Variants in MOB1B observed in about 807,000 individuals in gnomAD.
The protein encoded by MOB1B is MOB1 Mps One Binder homolog B.
Under a neutral mutation model 24.4 loss-of-function variants are expected in MOB1B, and 19 were observed. That is an observed-to-expected ratio of 0.78 (90% CI 0.54 to 1.14). The LOEUF (loss-of-function observed/expected upper bound fraction) is 1.14, where lower values mean the gene tolerates loss of function less well. Ranked by LOEUF, MOB1B falls within the 50% of genes most tolerant of loss-of-function variation. The pLI is 0.00. For synonymous variants in MOB1B, 76 were observed against 82.1 expected (o/e 0.93, Z 0.40); for missense variants, 243 against 259.6 (o/e 0.94, Z 0.44).
At position 70,982,401 on chromosome 4, in the gene MOB1B, C is replaced by A; in HGVS notation, c.*344C>A. On this transcript the variant is annotated 3_prime_UTR_variant, in exon 6 of 6. Transcript: ENST00000309395. ...GTTTCTGTGTGGTATAAATTGTGGC[C>A]CATTTATGAAGTCCCCAAAAGAGTT... 1 of 179,082 alleles carries A rather than the reference C, an allele frequency of 5.6e-6. No homozygotes were observed. The allele number at this position is 179,082 out of a possible 1,614,324, so 11.1% of individuals were successfully genotyped here.
intron 1 of MOB1B, among the ~76,000 whole-genome samples, chr4:70,946,610 G>A (rs530781204): frequency 1.3e-5 from 2 of 152,286 alleles, no homozygotes; most frequent in South Asian, 2.1e-4. Context: ...ATAGTCATTT[G>A]TTATTGAACA....
chr4:70,951,485 G>A (rs1246151567), intron 1 of MOB1B, among the ~76,000 whole-genome samples: 2 of 152,230 alleles, frequency 1.3e-5, no homozygotes, highest in East Asian at 3.8e-4. Flanking sequence ...TCAAATATGA[G>A]TAAGAATGGG....
chr4:70,975,020 T>C (rs1256570560), intron 3 of MOB1B, 133 bp from the exon 4 acceptor site: 2 of 612,790 alleles, frequency 3.3e-6, no homozygotes, highest in Non-Finnish European at 2.4e-6. Context: ...TATTTAAAAA[T>C]GTATCTTTAT....
chr4:70,981,743 C>T (rs901080582), intron 5 of MOB1B, among the ~76,000 whole-genome samples: 2 of 152,050 alleles, frequency 1.3e-5, no homozygotes, highest in African/African-American at 4.8e-5. Context: ...CATTTAGTCC[C>T]CACAATAATT....
At chr4:70,908,083 T>C (rs1426693380) in intron 1 of MOB1B, among the ~76,000 whole-genome samples, 1 of 151,390 alleles carries the variant, frequency 6.6e-6, no homozygotes, top group African/African-American at 2.4e-5. Context: ...TGGAGTCCAG[T>C]GGCGCGATCT....
intron 1 of MOB1B, among the ~76,000 whole-genome samples, chr4:70,917,385 G>A (rs1012285460): frequency 5.9e-5 from 9 of 152,204 alleles, no homozygotes; most frequent in Non-Finnish European, 4.4e-5. Context: ...TTTCATGATA[G>A]TAGAAGTTTT....
intron 1 of MOB1B, among the ~76,000 whole-genome samples, chr4:70,929,908 C>A (rs745337902): frequency 3.2e-4 from 48 of 152,066 alleles, no homozygotes; most frequent in Non-Finnish European, 6.3e-4. Context: ...ACAGCCACTG[C>A]GCCCAGCCTT....
chr4:70,902,420 G>T lies in MOB1B; in HGVS notation c.-117G>T. The T allele has an allele frequency of 8.6e-7, 1 of 1,160,360 alleles. No homozygotes were observed. Among genetic ancestry groups the T allele is most frequent in the South Asian group, 1.3e-5 (1 of 76,472 alleles). 71.9% of individuals were successfully genotyped at this position (1,160,360 alleles called of 1,614,324 possible). A position where few individuals can be genotyped will look rare whatever the true frequency, so the allele number is the denominator to read the frequency against. On this transcript the variant is annotated 5_prime_UTR_variant, in exon 1 of 6. Transcript: ENST00000309395. ...TGCGGCCACCGAGCAGCCGGCTCTC[G>T]GCACCTCCTCCTCCGCCTCCCTGTC... is the stretch of plus-strand genomic sequence containing the variant.
At chr4:70,980,795 C>G (rs1012586277) in intron 5 of MOB1B, among the ~76,000 whole-genome samples, 22 of 152,132 alleles carry the variant, frequency 1.4e-4, no homozygotes, top group African/African-American at 5.1e-4. Flanking sequence ...AGGGCGGGTC[C>G]CGTCTCTGAT....
intron 2 of MOB1B, among the ~76,000 whole-genome samples, chr4:70,961,938 AAGGAGAGACT>A (rs1482422452): frequency 6.6e-6 from 1 of 152,232 alleles, no homozygotes; most frequent in Non-Finnish European, 1.5e-5. Context: ...TGAAGAATAT[AAGGAGAGACT>A]AGGTGCATTG....
chr4:70,914,543 C>T (rs560512946), intron 1 of MOB1B, among the ~76,000 whole-genome samples: 1 of 152,318 alleles, frequency 6.6e-6, no homozygotes, highest in South Asian at 2.1e-4. Context: ...TGTGTTGCTG[C>T]TCCCAGGCAC....
At chr4:70,938,904 G>C (rs1418060526) in intron 1 of MOB1B, among the ~76,000 whole-genome samples, 1 of 151,802 alleles carries the variant, frequency 6.6e-6, no homozygotes, top group Admixed American at 6.6e-5. Flanking sequence ...TAGCCTCCCA[G>C]GTAGCTGGGA....
At chr4:70,931,175 T>C (rs1736877746) in intron 1 of MOB1B, among the ~76,000 whole-genome samples, 1 of 152,174 alleles carries the variant, frequency 6.6e-6, no homozygotes, top group African/African-American at 2.4e-5. Flanking sequence ...ATCTGAAAGA[T>C]CTGTTAGCTT....
intron 2 of MOB1B, among the ~76,000 whole-genome samples, chr4:70,964,315 G>A (rs566632892): frequency 6.6e-6 from 1 of 152,226 alleles, no homozygotes; most frequent in South Asian, 2.1e-4. Context: ...GTATATATAT[G>A]TACATTTTCA....
intron 1 of MOB1B, among the ~76,000 whole-genome samples, chr4:70,948,591 T>C (rs1297299269): frequency 6.6e-6 from 1 of 152,228 alleles, no homozygotes; most frequent in Non-Finnish European, 1.5e-5. Flanking sequence ...TTTCTAAAGA[T>C]ACTGATTATA....
intron 1 of MOB1B, among the ~76,000 whole-genome samples, chr4:70,955,622 C>T (rs1738013991): frequency 6.6e-6 from 1 of 151,522 alleles, no homozygotes; most frequent in Non-Finnish European, 1.5e-5. Flanking sequence ...AGGTGCGCAC[C>T]ACCATGCCCA....
intron 1 of MOB1B, among the ~76,000 whole-genome samples, chr4:70,939,732 C>A (rs546646549): frequency 1.3e-5 from 2 of 152,306 alleles, no homozygotes; most frequent in African/African-American, 4.8e-5. Context: ...CCCCAGTGGG[C>A]GTGTGTTACC....
chr4:70,940,200 G>A (rs2148884374), intron 1 of MOB1B, among the ~76,000 whole-genome samples: 1 of 152,256 alleles, frequency 6.6e-6, no homozygotes, highest in African/African-American at 2.4e-5. Context: ...GCCATGGTGG[G>A]CCAGGGTGGT....
rs1739265636 is a variant in MOB1B, at chr4:70,983,022, G to C, written c.*965G>C. 6.6e-6 allele frequency: 1 copy of C among 152,282 alleles called. No homozygotes were observed. The highest frequency in any genetic ancestry group is 2.4e-5 in the African/African-American group (1 of 41,436). 9.4% of individuals were successfully genotyped at this position (152,282 alleles called of 1,614,324 possible). A position where few individuals can be genotyped will look rare whatever the true frequency, so the allele number is the denominator to read the frequency against. Reference sequence around the variant, plus strand: ...GGGATGGGGAGTCAAGTTCTAGAAAGTTTTGTCTGAAAACCTTTGAATAGA... The same window carrying C: ...GGGATGGGGAGTCAAGTTCTAGAAACTTTTGTCTGAAAACCTTTGAATAGA... On this transcript the variant is annotated 3_prime_UTR_variant, in exon 6 of 6. Transcript: ENST00000309395.
Sources: gnomAD v4.1 joint callset for allele counts (sites outside exome capture counted in the v4.1 genomes callset) on GRCh38, gnomAD v4.1.1 for gene constraint, MANE v1.5 for transcripts, NCBI Gene and HGNC (gene_info 2026-07-23, HGNC 2026-07-21) for gene names.